The following AMD1 variants were observed in gnomAD, a reference collection of about 807,000 sequenced individuals.
The protein encoded by AMD1 is adenosylmethionine decarboxylase 1.
AMD1 carries 11 observed loss-of-function variants against 40.2 expected under a neutral mutation model. The observed-to-expected ratio is 0.27, with a 90% CI of 0.17 to 0.45. The LOEUF is 0.45. Among genes scored for constraint, AMD1 ranks in the 20% least tolerant of loss-of-function variants. The pLI is 1.00. For synonymous variants in AMD1, 121 were observed against 130.8 expected, an observed-to-expected ratio of 0.93 and a Z score of 0.51; for missense variants, 257 against 410.2, an observed-to-expected ratio of 0.63 and a Z score of 3.23.
the AMD1 span, among the ~76,000 whole-genome samples, chr6:110,848,906 G>A: frequency 6.6e-6 from 1 of 152,202 alleles, no homozygotes; most frequent in Non-Finnish European, 1.5e-5. Flanking sequence ...TCAGGAAGGG[G>A]AGGCTAAGGC....
In AMD1 at chr6:110,891,696, TC is replaced by T. The variant is rs1475034605; in HGVS notation, c.428-463del. 3 of 172,724 alleles carry T rather than the reference TC, an allele frequency of 1.7e-5. No individual in the cohort carries two copies. The East Asian group carries it at 4.6e-4, about 27-fold the overall frequency. The allele number at this position is 172,724 out of a possible 1,614,324, so 10.7% of individuals were successfully genotyped here. On this transcript the variant is annotated intron_variant, in intron 4 of 8. Transcript: ENST00000368885. ...TGCAAATACCCGCCAAGTCAGTCGATCCTGCTTATCTGGGAATTTACCTACT... is the reference window on the plus strand; with the variant it reads ...TGCAAATACCCGCCAAGTCAGTCGATCTGCTTATCTGGGAATTTACCTACT...
the AMD1 span, among the ~76,000 whole-genome samples, chr6:110,847,393 T>C: frequency 4.0e-5 from 6 of 151,006 alleles, no homozygotes; most frequent in Non-Finnish European, 8.9e-5. Context: ...GGCATGGTGG[T>C]GGGTGCCTGT....
At chr6:110,851,834 C>G in the AMD1 span, among the ~76,000 whole-genome samples, 3 of 152,062 alleles carry the variant, frequency 2.0e-5, no homozygotes, top group Non-Finnish European at 4.4e-5. Flanking sequence ...TAATAAAGAT[C>G]ATTGTTCATT....
chr6:110,859,893 G>A, the AMD1 span, among the ~76,000 whole-genome samples: 2 of 152,100 alleles, frequency 1.3e-5, no homozygotes, highest in Non-Finnish European at 2.9e-5. Context: ...GCAGTGGTGC[G>A]ATCTTGGCTC....
chr6:110,826,171 A>T, the AMD1 span, among the ~76,000 whole-genome samples: 1 of 149,656 alleles, frequency 6.7e-6, no homozygotes, highest in East Asian at 2.0e-4. Flanking sequence ...TCATTAAAAA[A>T]AAAAAAAAAA....
chr6:110,814,878 G>T, the AMD1 span: 1 of 1,261,308 alleles, frequency 7.9e-7, no homozygotes, highest in Non-Finnish European at 1.1e-6. Context: ...TCGGTGTCCG[G>T]ACGCAACCCC....
chr6:110,821,204 A>C, the AMD1 span, among the ~76,000 whole-genome samples: 1 of 152,228 alleles, frequency 6.6e-6, no homozygotes, highest in Non-Finnish European at 1.5e-5. Flanking sequence ...TGGAGGCAGC[A>C]GCTGGAGGCT....
Position 110,893,558 on chromosome 6 carries a change from A to G in AMD1, c.947A>G (p.Asn316Ser), listed in dbSNP as rs758266627. Residue 316 changes from asparagine (N) to serine (S), a missense_variant, in exon 9 of 9, where the codon AAT (asparagine) becomes AGT (serine). Asn to Ser is a conservative substitution (Grantham distance 46, BLOSUM62 1). Transcript: ENST00000368885. ...KRLDCQSAMF[N>S]DYNFVFTSFA... ...CTTGATTGCCAGAGTGCTATGTTCA[A>G]TGATTACAATTTTGTTTTTACCAGT... The G allele has an allele frequency of 1.1e-5, 18 of 1,614,092 alleles. No individual in the cohort carries two copies. In the South Asian group the frequency reaches 1.8e-4, roughly 16 times the overall value.
At chr6:110,878,842 A>G (rs1483757609) in intron 1 of AMD1, among the ~76,000 whole-genome samples, 1 of 152,236 alleles carries the variant, frequency 6.6e-6, no homozygotes, top group Non-Finnish European at 1.5e-5. Flanking sequence ...CATAATTTTT[A>G]GTAAAGGATT....
chr6:110,859,157 C>G, the AMD1 span: 1 of 1,225,508 alleles, frequency 8.2e-7, no homozygotes. Context: ...AGGCTCCCAG[C>G]ACGCTCTCTC....
intron 1 of AMD1, chr6:110,875,444 T>C: frequency 2.1e-6 from 1 of 482,794 alleles, no homozygotes; most frequent in Non-Finnish European, 3.7e-6. Context: ...GGCATTGCCC[T>C]GGGGGAGGGG....
At chr6:110,874,469 C>G (rs76759366), upstream of AMD1, among the ~76,000 whole-genome samples, 1 of 150,978 alleles carries the variant, frequency 6.6e-6, no homozygotes, top group Admixed American at 6.6e-5. Flanking sequence ...TTTTTTTTTT[C>G]TAAACAGCTC....
At chr6:110,881,628 C>G (rs1257763216) in intron 1 of AMD1, among the ~76,000 whole-genome samples, 4 of 151,812 alleles carry the variant, frequency 2.6e-5, no homozygotes, top group Non-Finnish European at 5.9e-5. Flanking sequence ...CCAGCCTGGC[C>G]AGCATGGTGA....
At position 110,895,050 on chromosome 6, in the gene AMD1, A is replaced by C. The variant is rs759709419; in HGVS notation, c.*1434A>C. 1 of 152,234 alleles carries C rather than the reference A, an allele frequency of 6.6e-6. No individual in the cohort carries two copies. Among genetic ancestry groups the C allele is most frequent in the Non-Finnish European group, 1.5e-5 (1 of 68,034 alleles). The allele number at this position is 152,234 out of a possible 1,614,324, so 9.4% of individuals were successfully genotyped here. ...GTTGGTACCTTTTAGCTATATTTGCAGATTCTCTGGGATTTTAAGGAACTG... is the reference window on the plus strand; with the variant it reads ...GTTGGTACCTTTTAGCTATATTTGCCGATTCTCTGGGATTTTAAGGAACTG... On this transcript the variant is annotated 3_prime_UTR_variant, in exon 9 of 9. Transcript: ENST00000368885.
chr6:110,822,327 C>A, the AMD1 span, among the ~76,000 whole-genome samples: 8 of 152,062 alleles, frequency 5.3e-5, no homozygotes, highest in African/African-American at 1.9e-4. Flanking sequence ...AACTAGAAAG[C>A]CTAGAGGAAA....
rs1342281018 is a variant in AMD1, at chr6:110,875,084, G to C, written c.-22G>C. On this transcript the variant is annotated 5_prime_UTR_variant, in exon 1 of 9. Transcript: ENST00000368885. ...TTTAGTTGATTTTCTGTGGTTGTTG[G>C]TTGTTCGCTAGTCTCACGGTGATGG... 9.4e-6 allele frequency: 15 copies of C among 1,594,658 alleles called. No individual in the cohort carries two copies. The highest frequency in any genetic ancestry group is 1.3e-5 in the African/African-American group (1 of 74,516).
chr6:110,877,470 G>A (rs761283800), intron 1 of AMD1, among the ~76,000 whole-genome samples: 12 of 152,252 alleles, frequency 7.9e-5, no homozygotes, highest in Non-Finnish European at 1.6e-4. Context: ...GGGACATGGG[G>A]CCAGCCCCAG....
At chr6:110,891,064 C>CA (rs1785990167) in intron 4 of AMD1, 1 of 152,160 alleles carries the variant, frequency 6.6e-6, no homozygotes, top group Non-Finnish European at 1.5e-5. Flanking sequence ...CTTCATCTGG[C>CA]CATTCACTCT....
Position 110,893,626 on chromosome 6 carries a change from A to G in AMD1, c.*10A>G. On this transcript the variant is annotated 3_prime_UTR_variant, in exon 9 of 9. Transcript: ENST00000368885. The stretch of plus-strand genomic sequence containing the variant: ...ACAACAGCAGAGTTGATTAAGAAAA[A>G]TGAAGAAAAAACGCAAAAAGAGAAC... 6.2e-7 allele frequency: 1 copy of G among 1,610,664 alleles called. No homozygotes were observed.
Sources: allele counts gnomAD v4.1 joint callset (sites outside exome capture counted in the v4.1 genomes callset), GRCh38; gene constraint gnomAD v4.1.1; transcripts MANE v1.5; gene names NCBI Gene and HGNC (gene_info 2026-07-23, HGNC 2026-07-21).